The following CLVS1 variants were observed in gnomAD, a reference collection of about 807,000 sequenced individuals.
CLVS1 encodes the protein clavesin-1.
In CLVS1, 10 loss-of-function variants were observed where a neutral mutation model predicts 33.1. That is an observed-to-expected ratio of 0.30 (90% CI 0.19 to 0.51). CLVS1 has a LOEUF of 0.51. Ranked by LOEUF, CLVS1 falls within the 20% of genes least tolerant of loss-of-function variation. CLVS1 has a pLI of 0.97. For synonymous variants in CLVS1, 163 were observed against 166.1 expected, an observed-to-expected ratio of 0.98 and a Z score of 0.14; for missense variants, 343 against 433.4, an observed-to-expected ratio of 0.79 and a Z score of 1.85.
chr8:61,469,239 C>T (rs1463598772), intron 5 of CLVS1, among the ~76,000 whole-genome samples: 1 of 152,254 alleles, frequency 6.6e-6, no homozygotes, highest in African/African-American at 2.4e-5. Flanking sequence ...CTGTGCAGAT[C>T]ACAAACATAA....
intron 1 of CLVS1, among the ~76,000 whole-genome samples, chr8:61,128,058 T>C (rs1434855469): frequency 1.3e-5 from 2 of 152,258 alleles, no homozygotes; most frequent in Admixed American, 1.3e-4. Context: ...CCAGCTGCCA[T>C]GGAGTGTTCA....
At chr8:61,083,643 G>GA (rs1039265820) in intron 1 of CLVS1, among the ~76,000 whole-genome samples, 3 of 152,072 alleles carry the variant, frequency 2.0e-5, no homozygotes, top group Non-Finnish European at 4.4e-5. Context: ...TTTAACATTG[G>GA]AAAATTGGTA....
At chr8:61,014,513 A>T in the CLVS1 span, among the ~76,000 whole-genome samples, 1 of 152,234 alleles carries the variant, frequency 6.6e-6, no homozygotes, top group Non-Finnish European at 1.5e-5. Context: ...GAAATAGGTG[A>T]TTTCAACTGT....
upstream of CLVS1, among the ~76,000 whole-genome samples, chr8:61,054,667 C>T (rs1347383507): frequency 6.6e-6 from 1 of 152,108 alleles, no homozygotes; most frequent in Non-Finnish European, 1.5e-5. Context: ...TGGGTGTCTT[C>T]TCGGTGTGTT....
chr8:61,399,278 C>G (rs1404788274), intron 3 of CLVS1, among the ~76,000 whole-genome samples: 1 of 152,174 alleles, frequency 6.6e-6, no homozygotes, highest in Non-Finnish European at 1.5e-5. Context: ...TTGCACTTCT[C>G]TAATGATCAG....
the CLVS1 span, among the ~76,000 whole-genome samples, chr8:60,999,745 T>C: frequency 6.6e-6 from 1 of 152,198 alleles, no homozygotes. Context: ...GGCAAAGGCA[T>C]CAGACTCACT....
intron 1 of CLVS1, among the ~76,000 whole-genome samples, chr8:61,068,544 C>T (rs767380063): frequency 1.7e-4 from 26 of 152,030 alleles, no homozygotes; most frequent in Non-Finnish European, 3.1e-4. Flanking sequence ...TAGCCTCCCC[C>T]GACTCCTCTC....
intron 3 of CLVS1, among the ~76,000 whole-genome samples, chr8:61,417,838 C>G (rs1300218867): frequency 2.0e-5 from 3 of 152,136 alleles, no homozygotes; most frequent in Non-Finnish European, 4.4e-5. Flanking sequence ...GAAGGAGAAA[C>G]CTTGAAAGGG....
intron 2 of CLVS1, among the ~76,000 whole-genome samples, chr8:61,375,166 A>C (rs1050492970): frequency 1.3e-5 from 2 of 152,080 alleles, no homozygotes; most frequent in Non-Finnish European, 2.9e-5. Context: ...AAGTAGAAAT[A>C]GGACATTCTA....
the CLVS1 span, among the ~76,000 whole-genome samples, chr8:60,971,071 C>CT: frequency 0.018 from 1,604 of 91,102 alleles, 40 homozygotes; most frequent in African/African-American, 0.021. Context: ...ATGACTTTTC[C>CT]TTTTTTTTTT....
chr8:61,204,297 T>C (rs1328869617), intron 2 of CLVS1, among the ~76,000 whole-genome samples: 2 of 152,232 alleles, frequency 1.3e-5, no homozygotes, highest in African/African-American at 4.8e-5. Flanking sequence ...ATGGTGCCTA[T>C]GTTCTTGGGC....
intron 3 of CLVS1, among the ~76,000 whole-genome samples, 177 bp from the exon 4 acceptor site, chr8:61,453,964 G>A (rs1817056495): frequency 6.6e-6 from 1 of 152,154 alleles, no homozygotes; most frequent in South Asian, 2.1e-4. Flanking sequence ...GAGACAAGGG[G>A]AATAAAGACA....
intron 5 of CLVS1, among the ~76,000 whole-genome samples, chr8:61,469,523 G>C (rs775299382): frequency 6.6e-6 from 1 of 152,174 alleles, no homozygotes; most frequent in African/African-American, 2.4e-5. Context: ...CCCTGCCTGG[G>C]TAGTAAAAGT....
chr8:61,396,108 C>T (rs1315731912), intron 3 of CLVS1, among the ~76,000 whole-genome samples: 1 of 152,098 alleles, frequency 6.6e-6, no homozygotes, highest in East Asian at 1.9e-4. Context: ...TTAAAACGTT[C>T]CATCCTTTTC....
chr8:61,327,474 C>A (rs1386220), intron 2 of CLVS1, among the ~76,000 whole-genome samples: 75,578 of 151,858 alleles, frequency 0.5, 19,331 homozygotes, highest in East Asian at 0.82. Context: ...TTAAAGGCAA[C>A]GTCTACATAT....
chr8:61,093,837 G>C (rs868143915), intron 1 of CLVS1, among the ~76,000 whole-genome samples: 7 of 152,226 alleles, frequency 4.6e-5, no homozygotes, highest in African/African-American at 1.4e-4. Flanking sequence ...CCAGCATCAG[G>C]TGTCACAACT....
At chr8:61,020,380 A>G in the CLVS1 span, among the ~76,000 whole-genome samples, 3 of 152,252 alleles carry the variant, frequency 2.0e-5, no homozygotes, top group Non-Finnish European at 4.4e-5. Flanking sequence ...CTTATTCATA[A>G]TAATGATCAG....
intron 2 of CLVS1, among the ~76,000 whole-genome samples, chr8:61,272,398 C>G (rs1809460524): frequency 6.6e-6 from 1 of 152,066 alleles, no homozygotes; most frequent in Admixed American, 6.5e-5. Flanking sequence ...TGAGGGTAAC[C>G]CGACCTTTCT....
intron 1 of CLVS1, among the ~76,000 whole-genome samples, chr8:61,099,373 T>C (rs1805408575): frequency 6.6e-6 from 1 of 152,132 alleles, no homozygotes; most frequent in Non-Finnish European, 1.5e-5. Context: ...CCAGGACTCT[T>C]CTTGGACCTT....
Sources: gnomAD v4.1 joint callset for allele counts (sites outside exome capture counted in the v4.1 genomes callset) on GRCh38, gnomAD v4.1.1 for gene constraint, MANE v1.5 for transcripts, NCBI Gene and HGNC (gene_info 2026-07-23, HGNC 2026-07-21) for gene names.